ARCN1: variants seen among roughly 807,000 people sequenced by gnomAD.
ARCN1 encodes the protein archain 1 coat protein complex I subunit delta.
Under a neutral mutation model 60.4 loss-of-function variants are expected in ARCN1, and 5 were observed. That is an observed-to-expected ratio of 0.08 (90% CI 0.04 to 0.17). The LOEUF is 0.17. Ranked by LOEUF, ARCN1 falls within the 10% of genes least tolerant of loss-of-function variation. The pLI, the probability that ARCN1 is intolerant of heterozygous loss-of-function variation, is 1.00. For synonymous variants in ARCN1, 224 were observed against 220.0 expected (o/e 1.02, Z -0.16); for missense variants, 464 against 626.5 (o/e 0.74, Z 2.77).
chr11:118,589,819 C>T (rs1191960422), intron 5 of ARCN1, among the ~76,000 whole-genome samples: 2 of 152,158 alleles, frequency 1.3e-5, no homozygotes, highest in Admixed American at 1.3e-4. Flanking sequence ...GATTGTTTTG[C>T]ACAGGTGAGA....
chr11:118,591,485 C>T (rs548156285), intron 6 of ARCN1, among the ~76,000 whole-genome samples: 1 of 152,220 alleles, frequency 6.6e-6, no homozygotes, highest in Non-Finnish European at 1.5e-5. Flanking sequence ...TCTGCCTCCC[C>T]AGTTGAAGCA....
At chr11:118,593,539 C>G (rs1315629145) in intron 7 of ARCN1, 51 bp from the exon 8 acceptor site, 1 of 1,348,154 alleles carries the variant, frequency 7.4e-7, no homozygotes, top group Admixed American at 1.7e-5. Context: ...GCCACTGCAC[C>G]CAGCCATCTT....
intron 1 of ARCN1, among the ~76,000 whole-genome samples, chr11:118,576,751 G>T (rs115605805): frequency 6.6e-6 from 1 of 152,070 alleles, no homozygotes; most frequent in African/African-American, 2.4e-5. Context: ...CTGGGTGTTC[G>T]GAGATTTATG....
At chr11:118,600,556 T>G in intron 9 of ARCN1, 69 bp from the exon 10 acceptor site, 1,208 of 991,024 alleles carry the variant, frequency 1.2e-3, no homozygotes, top group Non-Finnish European at 1.7e-3. Context: ...TGTTCTGTAA[T>G]GAGAATGTAG....
intron 5 of ARCN1, among the ~76,000 whole-genome samples, chr11:118,588,960 G>T (rs2135547928): frequency 6.6e-6 from 1 of 151,052 alleles, no homozygotes; most frequent in East Asian, 2.0e-4. Context: ...AGAGGTTGCA[G>T]TGAGCCGAGA....
rs782280953 is a variant in ARCN1, at chr11:118,584,587, T to C, written c.761T>C (p.Met254Thr). The C allele has an allele frequency of 1.1e-5, 18 of 1,613,408 alleles. No individual in the cohort carries two copies. The highest frequency in any genetic ancestry group is 1.1e-4 in the African/African-American group (8 of 74,900). ...SEGETIMSSS[M>T]GKRTSEATKM... Reference sequence around the variant, plus strand: ...GGTGAAACCATCATGTCCTCTAGTATGGGCAAGCGTACTTCTGAAGCAACC... The same window carrying C: ...GGTGAAACCATCATGTCCTCTAGTACGGGCAAGCGTACTTCTGAAGCAACC... Residue 254 changes from methionine (M) to threonine (T), a missense_variant, in exon 5 of 10, where the codon ATG (methionine) becomes ACG (threonine). Met to Thr is a moderately conservative substitution (Grantham distance 81). Around this residue, in one of 2 missense-constraint regions of ARCN1, gnomAD observed 359 missense variants for 440.2 expected, o/e 0.82. Coordinates refer to ENST00000264028, the MANE Select transcript of ARCN1 (RefSeq NM_001655.5).
chr11:118,598,239 A>C (rs998577829), intron 9 of ARCN1, among the ~76,000 whole-genome samples: 1 of 152,156 alleles, frequency 6.6e-6, no homozygotes, highest in Non-Finnish European at 1.5e-5. Flanking sequence ...CGATTTGCCA[A>C]AACACCCCAA....
rs1334549374 is a variant in ARCN1, at chr11:118,584,623, C to G, written c.797C>G (p.Ala266Gly). ...KRTSEATKMH[A>G]PPINMESVHM... ...ACTTCTGAAGCAACCAAAATGCATGCTCCACCCATTAATATGGAAAGGTAA... is the reference window on the plus strand; with the variant it reads ...ACTTCTGAAGCAACCAAAATGCATGGTCCACCCATTAATATGGAAAGGTAA... Residue 266 changes from alanine to glycine, a missense_variant, in exon 5 of 10, where the codon GCT becomes GGT. This residue lies in a region of ARCN1 where 359 missense variants were observed against 440.2 expected (regional missense o/e 0.82). Coordinates refer to ENST00000264028, the MANE Select transcript of ARCN1 (RefSeq NM_001655.5). 1 of 1,607,996 alleles carries G rather than the reference C, an allele frequency of 6.2e-7. No homozygotes were observed. The highest frequency in any genetic ancestry group is 1.1e-5 in the South Asian group (1 of 89,378).
rs1390761210 is a variant in ARCN1, at chr11:118,576,438, A to C, written c.3+3888A>C. ...TTTCCAAAAATGTTAAAAAAAAAAA[A>C]AAAAAAAAAAACCAAAAACTTTGTA... On this transcript the variant is annotated intron_variant, in intron 1 of 9. Coordinates refer to ENST00000264028, the MANE Select transcript of ARCN1 (RefSeq NM_001655.5). Among the ~76,000 whole-genome samples the C allele has an allele frequency of 9.7e-4, 143 of 147,136 alleles. 1 individual carries two copies. Among genetic ancestry groups the C allele is most frequent in the African/African-American group, 3.4e-3 (139 of 40,922 alleles).
chr11:118,578,702 G>C (rs1555074125), intron 1 of ARCN1, among the ~76,000 whole-genome samples: 2 of 151,866 alleles, frequency 1.3e-5, no homozygotes, highest in African/African-American at 4.8e-5. Context: ...TTTGGGGGGA[G>C]AGTCAATATT....
At chr11:118,598,650 A>G (rs1322038529) in intron 9 of ARCN1, among the ~76,000 whole-genome samples, 1 of 151,926 alleles carries the variant, frequency 6.6e-6, no homozygotes, top group Non-Finnish European at 1.5e-5. Flanking sequence ...ATGCGCCACC[A>G]TGCCCTGCTA....
In ARCN1 at chr11:118,584,622, G is replaced by C. The variant is rs782314108; in HGVS notation, c.796G>C (p.Ala266Pro). ...TACTTCTGAAGCAACCAAAATGCATGCTCCACCCATTAATATGGAAAGGTA... is the reference window on the plus strand; with the variant it reads ...TACTTCTGAAGCAACCAAAATGCATCCTCCACCCATTAATATGGAAAGGTA... ...KRTSEATKMH[A>P]PPINMESVHM... The change falls in exon 5 of 10, where the codon GCT becomes CCT. Residue 266 changes from alanine (A) to proline (P), a missense_variant. Around this residue, in one of 2 missense-constraint regions of ARCN1, gnomAD observed 359 missense variants for 440.2 expected, o/e 0.82. Coordinates refer to ENST00000264028, the MANE Select transcript of ARCN1 (RefSeq NM_001655.5). 2.5e-6 allele frequency: 4 copies of C among 1,608,016 alleles called. No individual in the cohort carries two copies. The highest frequency in any genetic ancestry group is 3.4e-6 in the Non-Finnish European group (4 of 1,178,180).
chr11:118,572,770 C>T, intron 1 of ARCN1: 2 of 496,640 alleles, frequency 4.0e-6, no homozygotes, highest in Non-Finnish European at 7.2e-6. Context: ...GCTTCCGCAC[C>T]ACCCCCCAAC....
chr11:118,601,047 TTTATTA>T lies in ARCN1; in HGVS notation c.*357_*362del, dbSNP rs144013089. The stretch of plus-strand genomic sequence containing the variant: ...ACCTAAGTTGCTCCTTTATTTTTAT[TTTATTA>T]TTATTATTATTATTATTATTATTTT... On this transcript the variant is annotated 3_prime_UTR_variant, in exon 10 of 10. Coordinates refer to ENST00000264028, the MANE Select transcript of ARCN1 (RefSeq NM_001655.5). The T allele has an allele frequency of 8.1e-3, 1,178 of 145,906 alleles. 16 individuals carry two copies. Among genetic ancestry groups the T allele is most frequent in the African/African-American group, 0.026 (1,047 of 39,690 alleles). The allele number at this position is 145,906 out of a possible 1,614,324, so 9.0% of individuals were successfully genotyped here.
Position 118,583,176 on chromosome 11 carries a change from T to C in ARCN1, c.268-3T>C. The C allele has an allele frequency of 6.2e-7, 1 of 1,614,048 alleles. No homozygotes were observed. Among genetic ancestry groups the C allele is most frequent in the African/African-American group, 1.3e-5 (1 of 75,056 alleles). ...TTTCTTTTTTATTGGTGTCCACGCT[T>C]AGATCCCTGAATATTGCCGAGCCTT... On this transcript the variant is annotated splice_region_variant and splice_polypyrimidine_tract_variant and intron_variant, in intron 2 of 9. Coordinates refer to ENST00000264028, the MANE Select transcript of ARCN1 (RefSeq NM_001655.5).
intron 7 of ARCN1, among the ~76,000 whole-genome samples, chr11:118,593,066 T>G (rs988981868): frequency 1.3e-5 from 2 of 152,246 alleles, no homozygotes; most frequent in South Asian, 4.1e-4. Flanking sequence ...GTAGTTTTGT[T>G]GTTGTTATTG....
In ARCN1 at chr11:118,597,741, G is replaced by T; in HGVS notation, c.1276G>T (p.Asp426Tyr). 1 of 1,614,176 alleles carries T rather than the reference G, an allele frequency of 6.2e-7. No homozygotes were observed. The highest frequency in any genetic ancestry group is 8.5e-7 in the Non-Finnish European group (1 of 1,180,034). The change falls in exon 9 of 10, where the codon GAT becomes TAT. Residue 426 changes from aspartate to tyrosine, a missense_variant. By Grantham distance (160) the Asp-to-Tyr change is radical. Coordinates refer to ENST00000264028, the MANE Select transcript of ARCN1 (RefSeq NM_001655.5). ...GVGAPVIGEI[D>Y]GEYRHDSRRN... ...CGGCGCGCCTGTTATCGGTGAGATC[G>T]ATGGGGAGTATCGACATGACAGTCG...
At chr11:118,585,097 A>G (rs778305616) in intron 5 of ARCN1, among the ~76,000 whole-genome samples, 2 of 152,064 alleles carry the variant, frequency 1.3e-5, no homozygotes, top group Non-Finnish European at 2.9e-5. Flanking sequence ...AAGTGCTGGG[A>G]TTACAGGCGT....
intron 7 of ARCN1, 116 bp from the exon 8 acceptor site, chr11:118,593,474 T>A (rs1938957552): frequency 6.0e-6 from 3 of 496,750 alleles, no homozygotes; most frequent in African/African-American, 2.0e-5. Context: ...CAACCAATCC[T>A]CCCACCTCGA....
Sources: allele counts gnomAD v4.1 joint callset (sites outside exome capture counted in the v4.1 genomes callset), GRCh38; gene constraint gnomAD v4.1.1; regional missense constraint gnomAD v4.1.1; transcripts MANE v1.5; gene names NCBI Gene and HGNC (gene_info 2026-07-23, HGNC 2026-07-21).